The following GRM8 variants were observed in gnomAD, a reference collection of about 807,000 sequenced individuals.
The protein encoded by GRM8 is metabotropic glutamate receptor 8.
A neutral mutation model predicts 87.2 loss-of-function variants in GRM8; 47 were observed. That is an observed-to-expected ratio of 0.54 (90% CI 0.43 to 0.69). GRM8 has a LOEUF of 0.69. GRM8 is among the 30% of genes least tolerant of loss of function. The pLI is 0.00. For missense variants in GRM8, 1,019 were observed against 1,139.2 expected, an observed-to-expected ratio of 0.89 and a Z score of 1.52; for synonymous variants, 396 against 404.5, an observed-to-expected ratio of 0.98 and a Z score of 0.25.
intron 2 of GRM8, among the ~76,000 whole-genome samples, chr7:127,232,705 C>T (rs1324918445): frequency 6.6e-6 from 1 of 152,196 alleles, no homozygotes; most frequent in African/African-American, 2.4e-5. Flanking sequence ...TATCTTCCTC[C>T]TCATTATCAT....
chr7:126,930,057 A>T (rs1563326775), intron 3 of GRM8, among the ~76,000 whole-genome samples: 1 of 152,192 alleles, frequency 6.6e-6, no homozygotes, highest in Non-Finnish European at 1.5e-5. Flanking sequence ...AGGCCATAAG[A>T]AAGGAATCAT....
intron 8 of GRM8, among the ~76,000 whole-genome samples, chr7:126,587,313 C>A (rs1446403255): frequency 1.3e-5 from 2 of 152,142 alleles, no homozygotes; most frequent in Non-Finnish European, 2.9e-5. Flanking sequence ...TTGACCCAGC[C>A]ATCCCATTAC....
chr7:126,546,995 C>G (rs1585016559), intron 8 of GRM8, among the ~76,000 whole-genome samples: 1 of 152,036 alleles, frequency 6.6e-6, no homozygotes, highest in Non-Finnish European at 1.5e-5. Context: ...TTTGAGTTTT[C>G]CAGTTCTTTT....
intron 10 of GRM8, 181 bp downstream of exon 10, chr7:126,445,945 G>A (rs563280328): frequency 3.4e-5 from 23 of 674,752 alleles, no homozygotes; most frequent in South Asian, 2.2e-4. Flanking sequence ...TAGAACAGCC[G>A]CTCATCTTGA....
intron 7 of GRM8, among the ~76,000 whole-genome samples, chr7:126,635,043 C>A (rs761730475): frequency 6.6e-6 from 1 of 152,086 alleles, no homozygotes; most frequent in Non-Finnish European, 1.5e-5. Flanking sequence ...GAAAGTCACC[C>A]ACATCATAGA....
chr7:126,996,982 A>G (rs1345261913), intron 3 of GRM8, among the ~76,000 whole-genome samples: 1 of 152,022 alleles, frequency 6.6e-6, no homozygotes, highest in African/African-American at 2.4e-5. Context: ...CAATGGCTAC[A>G]GAATAAAAAT....
At chr7:126,673,421 T>A (rs1176480651) in intron 7 of GRM8, among the ~76,000 whole-genome samples, 4 of 152,162 alleles carry the variant, frequency 2.6e-5, no homozygotes, top group African/African-American at 7.2e-5. Flanking sequence ...GCAAAGTGGA[T>A]CCACTTAAGG....
chr7:127,178,776 G>A (rs1055291118), intron 2 of GRM8, among the ~76,000 whole-genome samples: 1 of 152,116 alleles, frequency 6.6e-6, no homozygotes, highest in Non-Finnish European at 1.5e-5. Context: ...GTTGTTTTCA[G>A]ACAAACAAAT....
chr7:126,759,232 A>C (rs1034726886), intron 7 of GRM8, among the ~76,000 whole-genome samples: 2 of 152,042 alleles, frequency 1.3e-5, no homozygotes, highest in Non-Finnish European at 2.9e-5. Flanking sequence ...TTGTGTTTAA[A>C]CCTTAATGTA....
At chr7:126,925,346 G>T (rs1445962896) in intron 3 of GRM8, among the ~76,000 whole-genome samples, 6 of 152,148 alleles carry the variant, frequency 3.9e-5, no homozygotes, top group African/African-American at 9.7e-5. Context: ...TACTAGAATT[G>T]CTGCACATGT....
At chr7:127,213,154 T>G (rs149790728) in intron 2 of GRM8, among the ~76,000 whole-genome samples, 5 of 152,160 alleles carry the variant, frequency 3.3e-5, no homozygotes, top group African/African-American at 1.2e-4. Context: ...CATGACACAG[T>G]CCTCTTACTT....
intron 10 of GRM8, among the ~76,000 whole-genome samples, chr7:126,439,982 G>C (rs529034399): frequency 6.6e-6 from 1 of 152,018 alleles, no homozygotes; most frequent in Non-Finnish European, 1.5e-5. Context: ...TGTGTTTTAA[G>C]TTTTTATTAC....
chr7:126,932,967 T>A (rs1258110447), intron 3 of GRM8, among the ~76,000 whole-genome samples: 1 of 152,084 alleles, frequency 6.6e-6, no homozygotes, highest in African/African-American at 2.4e-5. Context: ...AGCAGTAAGT[T>A]AAGAGAGCTG....
chr7:127,108,085 G>A (rs1433118715), intron 2 of GRM8, among the ~76,000 whole-genome samples: 2 of 152,038 alleles, frequency 1.3e-5, no homozygotes, highest in Non-Finnish European at 2.9e-5. Flanking sequence ...TAACACTGTG[G>A]GACCATGAAA....
intron 8 of GRM8, among the ~76,000 whole-genome samples, chr7:126,582,677 T>G (rs1235364432): frequency 6.6e-6 from 1 of 152,132 alleles, no homozygotes; most frequent in East Asian, 1.9e-4. Flanking sequence ...ATGAAGCAGG[T>G]GACTTTAAAT....
intron 3 of GRM8, among the ~76,000 whole-genome samples, chr7:127,103,426 C>T (rs1217718107): frequency 6.6e-6 from 1 of 152,142 alleles, no homozygotes; most frequent in Non-Finnish European, 1.5e-5. Context: ...TCCCCTTGCT[C>T]CTGCTTCACC....
intron 7 of GRM8, among the ~76,000 whole-genome samples, chr7:126,629,863 C>T (rs1046126939): frequency 6.6e-6 from 1 of 152,112 alleles, no homozygotes; most frequent in Non-Finnish European, 1.5e-5. Context: ...TTTAAAATTG[C>T]TGTCAATTAA....
intron 9 of GRM8, among the ~76,000 whole-genome samples, chr7:126,450,452 T>A (rs973513921): frequency 5.3e-5 from 8 of 151,892 alleles, no homozygotes; most frequent in African/African-American, 1.9e-4. Context: ...CTGCTTTGCA[T>A]ACCGTTTGAC....
At chr7:126,449,353 TG>T (rs1253580033) in intron 9 of GRM8, among the ~76,000 whole-genome samples, 5 of 151,810 alleles carry the variant, frequency 3.3e-5, no homozygotes, top group East Asian at 1.9e-4. Context: ...AGGGTGGGGT[TG>T]GGGGTAATAC....
Sources: gnomAD v4.1 joint callset for allele counts (sites outside exome capture counted in the v4.1 genomes callset) on GRCh38, gnomAD v4.1.1 for gene constraint, MANE v1.5 for transcripts, NCBI Gene and HGNC (gene_info 2026-07-23, HGNC 2026-07-21) for gene names.